Variants in NAV2 observed in about 807,000 individuals in gnomAD.
NAV2 encodes neuron navigator 2.
NAV2 carries 54 observed loss-of-function variants against 223.2 expected under a neutral mutation model. The ratio of observed to expected loss-of-function variants is 0.24; its 90% confidence interval spans 0.19 to 0.30. NAV2 has a LOEUF of 0.30. Ranked by LOEUF, NAV2 falls within the 10% of genes least tolerant of loss-of-function variation. The probability of loss-of-function intolerance (pLI) is 1.00; values close to 1 mark genes in which losing one functional copy is unlikely to be tolerated. For missense variants in NAV2, 2,806 were observed against 3,147.5 expected (o/e 0.89, Z 2.60); for synonymous variants, 1,279 against 1,239.3 (o/e 1.03, Z -0.67).
chr11:20,109,568 C>T (rs1465819141), intron 36 of NAV2, among the ~76,000 whole-genome samples: 1 of 152,214 alleles, frequency 6.6e-6, no homozygotes, highest in Non-Finnish European at 1.5e-5. Flanking sequence ...TGGATTCTTG[C>T]AGTCTGTCTC....
At chr11:19,990,004 A>T (rs539831569) in intron 11 of NAV2, among the ~76,000 whole-genome samples, 1 of 152,288 alleles carries the variant, frequency 6.6e-6, no homozygotes, top group South Asian at 2.1e-4. Flanking sequence ...GGAAAAGTGA[A>T]CTCTGTCCTT....
chr11:19,763,906 G>A (rs755271400), intron 1 of NAV2, among the ~76,000 whole-genome samples: 36 of 151,802 alleles, frequency 2.4e-4, no homozygotes, highest in South Asian at 4.2e-4. Context: ...ACGTATGGCC[G>A]TATAACATCT....
intron 22 of NAV2, among the ~76,000 whole-genome samples, chr11:20,069,787 A>G (rs754168164): frequency 6.6e-6 from 1 of 152,184 alleles, no homozygotes; most frequent in Non-Finnish European, 1.5e-5. Context: ...CCTCAACTAG[A>G]AAACTGAGCC....
At chr11:19,439,018 C>T (rs1028172037) in intron 1 of NAV2, among the ~76,000 whole-genome samples, 1 of 152,088 alleles carries the variant, frequency 6.6e-6, no homozygotes, top group African/African-American at 2.4e-5. Flanking sequence ...GGGCTGATTG[C>T]TCCAATCCTC....
chr11:19,886,192 G>T (rs2040955422), intron 5 of NAV2, among the ~76,000 whole-genome samples: 1 of 151,192 alleles, frequency 6.6e-6, no homozygotes, highest in Admixed American at 6.6e-5. Context: ...TACCTAGGCT[G>T]GTCTCCAACT....
At chr11:19,901,946 G>T (rs1454447323) in intron 6 of NAV2, among the ~76,000 whole-genome samples, 1 of 152,172 alleles carries the variant, frequency 6.6e-6, no homozygotes, top group Non-Finnish European at 1.5e-5. Context: ...TAGGGAAGCA[G>T]AGGGAATACA....
Position 19,464,983 on chromosome 11 carries a change from C to T in NAV2, c.75+113956C>T, listed in dbSNP as rs949346550. On this transcript the variant is annotated intron_variant, in intron 1 of 37. Transcript: ENST00000360655. ...CAAGCTTATAATATTACTATTTTTACGGGCTAGCCTGGAGTTGGGCTCTTT... is the reference window on the plus strand; with the variant it reads ...CAAGCTTATAATATTACTATTTTTATGGGCTAGCCTGGAGTTGGGCTCTTT... Among the ~76,000 whole-genome samples the T allele has an allele frequency of 1.5e-4, 23 of 152,148 alleles. 1 individual carries two copies. Among genetic ancestry groups the T allele is most frequent in the Admixed American group, 1.4e-3 (21 of 15,276 alleles).
chr11:19,496,052 A>G (rs1387795805), intron 1 of NAV2, among the ~76,000 whole-genome samples: 1 of 152,234 alleles, frequency 6.6e-6, no homozygotes. Context: ...TCCAGAAACG[A>G]AGAAGCAGAA....
At chr11:19,420,596 G>A (rs1422482553) in intron 1 of NAV2, among the ~76,000 whole-genome samples, 1 of 152,218 alleles carries the variant, frequency 6.6e-6, no homozygotes, top group East Asian at 1.9e-4. Context: ...ACATGCAACA[G>A]TATGGATCAA....
Position 20,010,689 on chromosome 11 carries a change from G to A in NAV2, c.2769-25270G>A, listed in dbSNP as rs187399735. ...TACTGCTAATTGCAGTTCTACCACC[G>A]GGTGATCTGGGCTCAAACCTCCTAG... is the stretch of plus-strand genomic sequence containing the variant. On this transcript the variant is annotated intron_variant, in intron 11 of 37. Coordinates refer to ENST00000349880, the MANE Select transcript of NAV2 (RefSeq NM_145117.5). Among the ~76,000 whole-genome samples the A allele has an allele frequency of 9.0e-4, 137 of 152,236 alleles. 1 individual carries two copies. The highest frequency in any genetic ancestry group is 3.2e-3 in the African/African-American group (131 of 41,538).
chr11:19,974,891 T>C (rs900338143), intron 10 of NAV2, among the ~76,000 whole-genome samples: 13 of 152,210 alleles, frequency 8.5e-5, no homozygotes, highest in African/African-American at 2.9e-4. Context: ...TTTAAAAATA[T>C]GCAAGATTTG....
intron 1 of NAV2, among the ~76,000 whole-genome samples, chr11:19,590,366 T>C (rs945119100): frequency 6.6e-6 from 1 of 152,266 alleles, no homozygotes; most frequent in East Asian, 1.9e-4. Flanking sequence ...CATTGAGCTC[T>C]TCTGGCTGGA....
At chr11:19,536,124 T>C (rs995501032) in intron 1 of NAV2, among the ~76,000 whole-genome samples, 1 of 152,210 alleles carries the variant, frequency 6.6e-6, no homozygotes, top group Non-Finnish European at 1.5e-5. Flanking sequence ...TTATGTTGAA[T>C]GCTTTACGTA....
chr11:19,910,207 A>G (rs2043194930), intron 6 of NAV2, among the ~76,000 whole-genome samples: 1 of 152,238 alleles, frequency 6.6e-6, no homozygotes, highest in Non-Finnish European at 1.5e-5. Flanking sequence ...TTTGAACCAG[A>G]ATCTGCATCA....
intron 1 of NAV2, among the ~76,000 whole-genome samples, chr11:19,790,291 G>T (rs1215076792): frequency 6.6e-6 from 1 of 152,208 alleles, no homozygotes; most frequent in Non-Finnish European, 1.5e-5. Context: ...TCAAGACAGA[G>T]TTCTAGTCCA....
intron 1 of NAV2, among the ~76,000 whole-genome samples, chr11:19,422,812 C>G (rs934484188): frequency 1.3e-5 from 2 of 152,196 alleles, no homozygotes; most frequent in Non-Finnish European, 2.9e-5. Flanking sequence ...CTCTCCATCC[C>G]TCTCCCCTTC....
chr11:19,761,670 C>T (rs1682048529), intron 1 of NAV2, among the ~76,000 whole-genome samples: 2 of 152,300 alleles, frequency 1.3e-5, no homozygotes, highest in South Asian at 4.1e-4. Flanking sequence ...CTGCGATGTC[C>T]ACTGACGTAG....
At chr11:19,754,115 T>G (rs2152510781) in intron 1 of NAV2, among the ~76,000 whole-genome samples, 1 of 152,318 alleles carries the variant, frequency 6.6e-6, no homozygotes, top group Non-Finnish European at 1.5e-5. Context: ...TCTGTCCCTT[T>G]TGCTTAGTCC....
intron 1 of NAV2, among the ~76,000 whole-genome samples, chr11:19,812,354 CCTCCA>C (rs2058877844): frequency 6.6e-6 from 1 of 151,902 alleles, no homozygotes; most frequent in Non-Finnish European, 1.5e-5. Context: ...CCACATTATC[CCTCCA>C]CTCCTGGCCA....
Sources: allele counts gnomAD v4.1 joint callset (sites outside exome capture counted in the v4.1 genomes callset), GRCh38; gene constraint gnomAD v4.1.1; transcripts MANE v1.5; gene names NCBI Gene and HGNC (gene_info 2026-07-23, HGNC 2026-07-21).